Variants in CADPS2 observed in about 807,000 individuals in gnomAD.
The protein encoded by CADPS2 is calcium dependent secretion activator 2, also known as calcium-dependent secretion activator 2.
In CADPS2, 93 loss-of-function variants were observed where a neutral mutation model predicts 172.5. The observed-to-expected ratio is 0.54, with a 90% CI of 0.46 to 0.64. The LOEUF (loss-of-function observed/expected upper bound fraction) is 0.64, where lower values mean the gene tolerates loss of function less well. Among genes scored for constraint, CADPS2 ranks in the 30% least tolerant of loss-of-function variants. The pLI is 0.00. For missense variants in CADPS2, 1,420 were observed against 1,565.9 expected (o/e 0.91, Z 1.57); for synonymous variants, 546 against 555.2 (o/e 0.98, Z 0.23).
intron 2 of CADPS2, among the ~76,000 whole-genome samples, chr7:122,713,968 T>A (rs1420237999): frequency 6.6e-6 from 1 of 152,100 alleles, no homozygotes; most frequent in Non-Finnish European, 1.5e-5. Context: ...TTTTTCAATA[T>A]GTTGACAAAG....
chr7:122,765,691 G>T (rs1244160712), intron 1 of CADPS2, among the ~76,000 whole-genome samples: 1 of 152,068 alleles, frequency 6.6e-6, no homozygotes, highest in Non-Finnish European at 1.5e-5. Flanking sequence ...TGAAGTAGCA[G>T]CTATCAATAA....
chr7:122,627,051 C>A (rs940499928), intron 4 of CADPS2, among the ~76,000 whole-genome samples: 2 of 152,160 alleles, frequency 1.3e-5, no homozygotes, highest in African/African-American at 4.8e-5. Flanking sequence ...TGTTTATTAA[C>A]CACTCTTCTG....
rs2053738163 is a variant in CADPS2 at position 122,456,097 on chromosome 7, A to G, written c.2187-4622T>C. Among the ~76,000 whole-genome samples the G allele has an allele frequency of 1.3e-5, 2 of 152,208 alleles. 1 individual carries two copies. The highest frequency in any genetic ancestry group is 2.9e-5 in the Non-Finnish European group (2 of 68,036). ...TGTAGTTAAGTACACTGGTAAAAAGATCTCTAAAGTTAGTATGTATTCACA... is the reference window on the plus strand; with the variant it reads ...TGTAGTTAAGTACACTGGTAAAAAGGTCTCTAAAGTTAGTATGTATTCACA... On this transcript the variant is annotated intron_variant, in intron 14 of 29. Transcript: ENST00000449022.
Position 122,809,410 on chromosome 7 carries a change from AAAAAAAAAAG to A in CADPS2, c.340-72352_340-72343del, listed in dbSNP as rs1386667044. ...TGGTGAAACCCCATCTCTACTAAAA[AAAAAAAAAAG>A]AAAAAAAAAATTTAGGCAGGCATGG... On this transcript the variant is annotated intron_variant, in intron 1 of 29. Transcript: ENST00000449022. Among the ~76,000 whole-genome samples, 131 of 146,348 alleles carry A rather than the reference AAAAAAAAAAG, an allele frequency of 9.0e-4. 1 individual carries two copies. Among genetic ancestry groups the A allele is most frequent in the Admixed American group, 9.7e-4 (14 of 14,418 alleles).
chr7:122,360,757 C>G (rs1169903177), intron 27 of CADPS2, 31 bp downstream of exon 27: 3 of 1,535,550 alleles, frequency 2.0e-6, no homozygotes, highest in East Asian at 2.4e-5. Flanking sequence ...GAATTCCATA[C>G]AGTTTTAAAA....
rs931719299 is a variant in CADPS2, at chr7:122,760,968, T to TA, written c.340-23901dup. On this transcript the variant is annotated intron_variant, in intron 1 of 29. Coordinates refer to ENST00000449022, the MANE Select transcript of CADPS2 (RefSeq NM_017954.11). ...CCTAAAACTTAAAGTATGATAATAA[T>TA]AAAAAAAAGAAAACCTCAGACACTG... 1.2e-4 allele frequency among the ~76,000 whole-genome samples: 18 copies of TA among 151,906 alleles called. No homozygotes were observed. The South Asian group carries it at 1.7e-3, about 14-fold the overall frequency.
chr7:122,352,229 A>C (rs998623030), intron 27 of CADPS2, among the ~76,000 whole-genome samples: 2 of 152,226 alleles, frequency 1.3e-5, no homozygotes, highest in Non-Finnish European at 2.9e-5. Context: ...CATAAGTAGC[A>C]ATCATAATGA....
intron 7 of CADPS2, among the ~76,000 whole-genome samples, chr7:122,564,915 C>T (rs1201579283): frequency 6.6e-6 from 1 of 151,524 alleles, no homozygotes; most frequent in African/African-American, 2.4e-5. Flanking sequence ...GAAATTATGT[C>T]TTTTACAGCA....
At chr7:122,567,751 TACTTG>T (rs2066654658) in intron 7 of CADPS2, among the ~76,000 whole-genome samples, 1 of 152,140 alleles carries the variant, frequency 6.6e-6, no homozygotes. Context: ...GTTATAATAT[TACTTG>T]ACTTAGCCTC....
At chr7:122,702,068 A>G (rs2086211409) in intron 2 of CADPS2, 1 of 1,613,476 alleles carries the variant, frequency 6.2e-7, no homozygotes, top group Non-Finnish European at 8.5e-7. Context: ...ATCTGTCTTT[A>G]TTTGACTTCG....
intron 1 of CADPS2, among the ~76,000 whole-genome samples, chr7:122,803,097 T>C (rs1797998792): frequency 6.6e-6 from 1 of 152,190 alleles, no homozygotes; most frequent in African/African-American, 2.4e-5. Context: ...AAAACAGGCC[T>C]CTTCACTTCC....
intron 1 of CADPS2, among the ~76,000 whole-genome samples, chr7:122,848,382 T>C (rs768696766): frequency 6.6e-5 from 10 of 152,214 alleles, no homozygotes; most frequent in South Asian, 2.1e-4. Context: ...CCTCCTTAAA[T>C]TGGCAAACAC....
At chr7:122,343,726 A>G (rs1235419706) in intron 28 of CADPS2, among the ~76,000 whole-genome samples, 2 of 152,238 alleles carry the variant, frequency 1.3e-5, no homozygotes, top group African/African-American at 4.8e-5. Flanking sequence ...TTCTAAGAAG[A>G]AACATAATGG....
At chr7:122,373,347 C>T (rs933604346) in intron 25 of CADPS2, among the ~76,000 whole-genome samples, 2 of 152,138 alleles carry the variant, frequency 1.3e-5, no homozygotes, top group East Asian at 3.9e-4. Context: ...TAAGACTCAG[C>T]ATCACTGGAG....
chr7:122,785,204 C>A (rs1793735651), intron 1 of CADPS2, among the ~76,000 whole-genome samples: 3 of 152,128 alleles, frequency 2.0e-5, no homozygotes, highest in Admixed American at 1.3e-4. Flanking sequence ...TTTACTTTTT[C>A]AAATGTTCAC....
chr7:122,859,880 T>G (rs1303150385), intron 1 of CADPS2, among the ~76,000 whole-genome samples: 2 of 152,150 alleles, frequency 1.3e-5, no homozygotes, highest in Non-Finnish European at 2.9e-5. Flanking sequence ...GTTGGTTGAA[T>G]CCTTGGACCC....
chr7:122,844,611 C>A (rs1012022212), intron 1 of CADPS2, among the ~76,000 whole-genome samples: 2 of 152,134 alleles, frequency 1.3e-5, no homozygotes, highest in Non-Finnish European at 2.9e-5. Flanking sequence ...AACAATATTG[C>A]TTAACTAAAT....
chr7:122,669,549 G>C (rs757201073), intron 2 of CADPS2, among the ~76,000 whole-genome samples: 22 of 151,840 alleles, frequency 1.4e-4, no homozygotes, highest in Non-Finnish European at 1.3e-4. Context: ...ATGAGCTCCA[G>C]AAGGAAATGG....
intron 25 of CADPS2, chr7:122,368,021 A>C (rs2041207227): frequency 6.6e-6 from 1 of 151,898 alleles, no homozygotes; most frequent in Non-Finnish European, 1.5e-5. Context: ...TCCCCTTTTA[A>C]ATACCTTGTG....
Sources: allele counts gnomAD v4.1 joint callset (sites outside exome capture counted in the v4.1 genomes callset), GRCh38; gene constraint gnomAD v4.1.1; transcripts MANE v1.5; gene names NCBI Gene and HGNC (gene_info 2026-07-23, HGNC 2026-07-21).